Variants in SLC8A3 observed in about 807,000 individuals in gnomAD.
The protein encoded by SLC8A3 is sodium/calcium exchanger 3.
SLC8A3 carries 37 observed loss-of-function variants against 65.4 expected under a neutral mutation model. The observed-to-expected ratio is 0.57, with a 90% CI of 0.44 to 0.74. The LOEUF (loss-of-function observed/expected upper bound fraction) is 0.74. SLC8A3 is among the 30% of genes least tolerant of loss of function. SLC8A3 has a pLI of 0.00. For synonymous variants in SLC8A3, 461 were observed against 444.5 expected, an observed-to-expected ratio of 1.04 and a Z score of -0.47; for missense variants, 1,112 against 1,172.1, an observed-to-expected ratio of 0.95 and a Z score of 0.75.
intron 3 of SLC8A3, chr14:70,060,516 G>T: frequency 2.2e-6 from 1 of 453,968 alleles, no homozygotes. Context: ...TTGAATAATT[G>T]AAAATTGTAG....
chr14:70,061,054 C>A, intron 2 of SLC8A3, 115 bp from the exon 3 acceptor site: 1 of 590,188 alleles, frequency 1.7e-6, no homozygotes, highest in East Asian at 2.8e-5. Flanking sequence ...AGTCCAGTCC[C>A]ACCATGGTGG....
intron 2 of SLC8A3, among the ~76,000 whole-genome samples, chr14:70,077,897 C>A (rs1890682517): frequency 6.6e-6 from 1 of 152,250 alleles, no homozygotes; most frequent in Non-Finnish European, 1.5e-5. Flanking sequence ...TTCCACTTTT[C>A]ACCTCTGTTC....
At chr14:70,088,567 C>T (rs1165406386) in intron 2 of SLC8A3, among the ~76,000 whole-genome samples, 2 of 152,136 alleles carry the variant, frequency 1.3e-5, no homozygotes, top group African/African-American at 4.8e-5. Flanking sequence ...GCTTTAGTGG[C>T]CCAAGATAAC....
At chr14:70,138,095 C>G (rs1895330015) in intron 2 of SLC8A3, among the ~76,000 whole-genome samples, 1 of 152,090 alleles carries the variant, frequency 6.6e-6, no homozygotes, top group Non-Finnish European at 1.5e-5. Flanking sequence ...ACGGGAGTGT[C>G]CCTGCTCACA....
intron 5 of SLC8A3, 66 bp downstream of exon 5, chr14:70,050,942 G>C: frequency 1.0e-6 from 1 of 994,834 alleles, no homozygotes; most frequent in Non-Finnish European, 1.6e-6. Flanking sequence ...TGTTAACGTG[G>C]CTTTACGCTT....
intron 2 of SLC8A3, among the ~76,000 whole-genome samples, chr14:70,073,776 T>A (rs1235291916): frequency 3.3e-5 from 5 of 152,048 alleles, no homozygotes; most frequent in African/African-American, 1.2e-4. Flanking sequence ...AAACACTGGG[T>A]CCAAACAAAA....
At chr14:70,112,590 G>A (rs1893383597) in intron 2 of SLC8A3, among the ~76,000 whole-genome samples, 1 of 152,168 alleles carries the variant, frequency 6.6e-6, no homozygotes, top group Non-Finnish European at 1.5e-5. Context: ...CTTTCCATTT[G>A]TTCTCATGGG....
chr14:70,189,395 A>T (rs1883624830), upstream of SLC8A3, among the ~76,000 whole-genome samples: 1 of 152,216 alleles, frequency 6.6e-6, no homozygotes, highest in Admixed American at 6.5e-5. Flanking sequence ...GCTGCCTGCA[A>T]TTCCGAAATT....
chr14:70,173,511 G>A (rs1203672890), intron 1 of SLC8A3, among the ~76,000 whole-genome samples: 2 of 152,046 alleles, frequency 1.3e-5, no homozygotes, highest in Non-Finnish European at 2.9e-5. Context: ...CCGTTCCTCC[G>A]CTCTTCCAGA....
intron 2 of SLC8A3, among the ~76,000 whole-genome samples, chr14:70,068,446 A>G (rs1211430040): frequency 6.6e-6 from 1 of 152,120 alleles, no homozygotes; most frequent in Non-Finnish European, 1.5e-5. Context: ...TGGTGTGATC[A>G]TGACTCACTG....
In SLC8A3 at chr14:70,166,842, G is replaced by A. The variant is rs1465042058; in HGVS notation, c.1581C>T (p.Asp527=). 3.1e-6 allele frequency: 5 copies of A among 1,613,986 alleles called. No individual in the cohort carries two copies. Among genetic ancestry groups the A allele is most frequent in the Admixed American group, 1.7e-5 (1 of 60,008 alleles). The stretch of plus-strand genomic sequence containing the variant: ...ATTCAAAAGTGAAGATGCCTGCATG[G>A]TCATCATCCAAGATGGTAACTGTGG... ...CVATVTILDD[D]HAGIFTFECD... Residue 527 remains aspartate, a synonymous_variant, in exon 2 of 7, where the codon GAC becomes GAT. Coordinates refer to ENST00000356921, the MANE Select transcript of SLC8A3 (RefSeq NM_182932.3).
At chr14:70,063,598 G>A (rs1420940658) in intron 2 of SLC8A3, among the ~76,000 whole-genome samples, 1 of 152,194 alleles carries the variant, frequency 6.6e-6, no homozygotes, top group Non-Finnish European at 1.5e-5. Flanking sequence ...TCGTATGGAT[G>A]CCATGTGTCA....
At chr14:70,187,653 G>C (rs1176255670) in intron 1 of SLC8A3, among the ~76,000 whole-genome samples, 1 of 149,748 alleles carries the variant, frequency 6.7e-6, no homozygotes. Context: ...GCGCGCGCGT[G>C]TGTGTTGGGG....
intron 2 of SLC8A3, among the ~76,000 whole-genome samples, chr14:70,082,699 C>T (rs1378529635): frequency 6.6e-6 from 1 of 152,172 alleles, no homozygotes; most frequent in Non-Finnish European, 1.5e-5. Flanking sequence ...TGTCATACAC[C>T]TCTCTGTTTC....
chr14:70,068,026 T>C (rs957779261), intron 2 of SLC8A3, among the ~76,000 whole-genome samples: 1 of 152,350 alleles, frequency 6.6e-6, no homozygotes, highest in African/African-American at 2.4e-5. Context: ...AGAACAGACC[T>C]GGCTGAGCTG....
intron 2 of SLC8A3, among the ~76,000 whole-genome samples, chr14:70,082,384 C>T (rs1891113188): frequency 6.6e-6 from 1 of 152,186 alleles, no homozygotes; most frequent in African/African-American, 2.4e-5. Flanking sequence ...TCCTTTGCTG[C>T]TGCCTGCTCT....
intron 2 of SLC8A3, among the ~76,000 whole-genome samples, chr14:70,075,084 C>G (rs966059299): frequency 6.6e-6 from 1 of 152,096 alleles, no homozygotes; most frequent in Non-Finnish European, 1.5e-5. Flanking sequence ...AAATACAACT[C>G]TTGTTTTTGG....
At chr14:70,127,112 T>C (rs183837350) in intron 2 of SLC8A3, among the ~76,000 whole-genome samples, 27 of 148,806 alleles carry the variant, frequency 1.8e-4, no homozygotes, top group African/African-American at 6.7e-4. Flanking sequence ...TTCCCTATAA[T>C]GGCTCCCAAA....
chr14:70,186,158 G>T (rs561893539), intron 1 of SLC8A3, among the ~76,000 whole-genome samples: 1 of 151,960 alleles, frequency 6.6e-6, no homozygotes, highest in South Asian at 2.1e-4. Context: ...AGATCTGATG[G>T]CTTTGTAAGG....
Sources: allele counts gnomAD v4.1 joint callset (sites outside exome capture counted in the v4.1 genomes callset), GRCh38; gene constraint gnomAD v4.1.1; transcripts MANE v1.5; gene names NCBI Gene and HGNC (gene_info 2026-07-23, HGNC 2026-07-21).